Variants in THEM4 observed in about 807,000 individuals in gnomAD.
THEM4 encodes thioesterase superfamily member 4, also known as acyl-coenzyme A thioesterase THEM4.
A neutral mutation model predicts 25.0 loss-of-function variants in THEM4; 22 were observed. That is an observed-to-expected ratio of 0.88 (90% confidence interval 0.63 to 1.26). The LOEUF is 1.26. Among genes scored for constraint, THEM4 ranks in the 50% most tolerant of loss-of-function variants. The pLI, the probability that THEM4 is intolerant of heterozygous loss-of-function variation, is 0.00. For synonymous variants in THEM4, 113 were observed against 105.6 expected, an observed-to-expected ratio of 1.07 and a Z score of -0.43; for missense variants, 286 against 300.3, an observed-to-expected ratio of 0.95 and a Z score of 0.35.
rs1653581842 is a variant in THEM4 at position 151,872,768 on chromosome 1, C to G, written c.*2120G>C. 1.3e-5 allele frequency among the ~76,000 whole-genome samples: 2 copies of G among 152,160 alleles called. No individual in the cohort carries two copies. Among genetic ancestry groups the G allele is most frequent in the Admixed American group, 1.3e-4 (2 of 15,270 alleles). ...GTAAAAGTCATCGCCATTCTCCATT[C>G]TCAATTAACCAGGGGCAAAATGCAC... is the stretch of plus-strand genomic sequence containing the variant. On this transcript the variant is annotated 3_prime_UTR_variant, in exon 6 of 6. Transcript: ENST00000368814.
chr1:151,898,390 AC>A (rs1251290155), intron 1 of THEM4, among the ~76,000 whole-genome samples: 2 of 152,106 alleles, frequency 1.3e-5, no homozygotes, highest in African/African-American at 4.8e-5. Context: ...AACTCCAGTG[AC>A]CCGGGAATCT....
At chr1:151,896,572 A>G (rs948990236) in intron 1 of THEM4, among the ~76,000 whole-genome samples, 8 of 152,218 alleles carry the variant, frequency 5.3e-5, no homozygotes, top group African/African-American at 1.7e-4. Context: ...GTTTGGCATT[A>G]TTAGGGTGCA....
intron 2 of THEM4, among the ~76,000 whole-genome samples, chr1:151,892,608 G>C (rs927801002): frequency 1.3e-5 from 2 of 152,132 alleles, no homozygotes; most frequent in Non-Finnish European, 2.9e-5. Flanking sequence ...AATTTTTCTT[G>C]ATTAGTTTTA....
intron 4 of THEM4, among the ~76,000 whole-genome samples, chr1:151,880,048 G>A (rs1409298681): frequency 2.0e-5 from 3 of 151,802 alleles, no homozygotes; most frequent in Admixed American, 6.6e-5. Flanking sequence ...ATTCACAGGA[G>A]TTATCATAGT....
intron 2 of THEM4, among the ~76,000 whole-genome samples, chr1:151,893,019 G>A (rs570959940): frequency 6.6e-6 from 1 of 152,302 alleles, no homozygotes; most frequent in East Asian, 1.9e-4. Flanking sequence ...TGAGAGGTTA[G>A]CGGACTCAGC....
At chr1:151,876,220 A>G (rs911254669) in intron 5 of THEM4, among the ~76,000 whole-genome samples, 3 of 152,302 alleles carry the variant, frequency 2.0e-5, no homozygotes, top group Admixed American at 2.0e-4. Context: ...TTTTAATGGC[A>G]CACACATACA....
At chr1:151,875,012 A>G (rs896177402) in intron 5 of THEM4, 84 bp from the exon 6 acceptor site, 1 of 1,099,310 alleles carries the variant, frequency 9.1e-7, no homozygotes, top group Non-Finnish European at 1.4e-6. Flanking sequence ...GACATATACA[A>G]AAGAAGGATT....
At chr1:151,895,662 A>G (rs1462167453) in intron 1 of THEM4, among the ~76,000 whole-genome samples, 1 of 135,140 alleles carries the variant, frequency 7.4e-6, no homozygotes, top group Non-Finnish European at 1.6e-5. Context: ...GAAATTAGCC[A>G]GCTGGAAAAA....
At chr1:151,890,190 C>A (rs1473815854) in intron 2 of THEM4, 1 of 457,462 alleles carries the variant, frequency 2.2e-6, no homozygotes, top group East Asian at 7.0e-5. Context: ...TAGGCGTGAG[C>A]CACAGCGCCC....
Position 151,874,523 on chromosome 1 carries a change from C to T in THEM4, c.*365G>A, listed in dbSNP as rs151047512. Reference sequence around the variant, plus strand: ...CTGAGTAGCTGGGACTACAGGCGTACGCCACCATGCCTGGATAATTTTTTG... The same window carrying T: ...CTGAGTAGCTGGGACTACAGGCGTATGCCACCATGCCTGGATAATTTTTTG... On this transcript the variant is annotated 3_prime_UTR_variant, in exon 6 of 6. Transcript: ENST00000368814. 0.011 allele frequency: 2,292 copies of T among 214,326 alleles called. 50 individuals carry two copies. The highest frequency in any genetic ancestry group is 0.046 in the African/African-American group (1,991 of 43,168). 13.3% of individuals were successfully genotyped at this position (214,326 alleles called of 1,614,324 possible). A position where few individuals can be genotyped will look rare whatever the true frequency, so the allele number is the denominator to read the frequency against.
chr1:151,900,762 G>T (rs1654332654), intron 1 of THEM4, among the ~76,000 whole-genome samples: 1 of 152,220 alleles, frequency 6.6e-6, no homozygotes, highest in Admixed American at 6.5e-5. Flanking sequence ...ACTGACAGCT[G>T]CTGGGGATAG....
At chr1:151,904,527 G>C (rs1314020179) in intron 1 of THEM4, among the ~76,000 whole-genome samples, 1 of 152,154 alleles carries the variant, frequency 6.6e-6, no homozygotes, top group Non-Finnish European at 1.5e-5. Context: ...GGAGACTTAA[G>C]GAGTTTTAAG....
chr1:151,901,327 T>C (rs1322765640), intron 1 of THEM4, among the ~76,000 whole-genome samples: 2 of 152,206 alleles, frequency 1.3e-5, no homozygotes, highest in South Asian at 2.1e-4. Flanking sequence ...ATTTAAACTA[T>C]ACCTTGGAAC....
chr1:151,890,412 G>A (rs575154059), intron 2 of THEM4: 1 of 209,986 alleles, frequency 4.8e-6, no homozygotes, highest in African/African-American at 2.3e-5. Context: ...TTATCCTTTT[G>A]TATCTATTTT....
At chr1:151,887,333 G>A (rs1257065092) in intron 4 of THEM4, among the ~76,000 whole-genome samples, 2 of 152,032 alleles carry the variant, frequency 1.3e-5, no homozygotes, top group African/African-American at 4.8e-5. Context: ...GGCAGGCTGA[G>A]GCATGAGAAT....
At chr1:151,905,109 A>G (rs920887617) in intron 1 of THEM4, among the ~76,000 whole-genome samples, 16 of 2,476 alleles carry the variant, frequency 6.5e-3, no homozygotes, top group African/African-American at 0.01. Flanking sequence ...CTTTGGTTAC[A>G]CATTTATAAA....
intron 4 of THEM4, among the ~76,000 whole-genome samples, chr1:151,887,437 T>A (rs115605369): frequency 0.031 from 4,609 of 149,780 alleles, 235 homozygotes; most frequent in African/African-American, 0.11. Flanking sequence ...CTCAAAATAA[T>A]AATAATAATA....
intron 4 of THEM4, among the ~76,000 whole-genome samples, chr1:151,883,579 A>G (rs372729590): frequency 1.6e-3 from 238 of 152,196 alleles, no homozygotes; most frequent in African/African-American, 5.4e-3. Context: ...AAGCCAAACC[A>G]TATCAGAATT....
At chr1:151,905,198 C>G (rs1480931047) in intron 1 of THEM4, among the ~76,000 whole-genome samples, 1 of 152,228 alleles carries the variant, frequency 6.6e-6, no homozygotes, top group Non-Finnish European at 1.5e-5. Flanking sequence ...GGTGGAGCCA[C>G]AGAAGTTCAT....
Sources: allele counts gnomAD v4.1 joint callset (sites outside exome capture counted in the v4.1 genomes callset), GRCh38; gene constraint gnomAD v4.1.1; transcripts MANE v1.5; gene names NCBI Gene and HGNC (gene_info 2026-07-23, HGNC 2026-07-21).